GRM5: variants seen among roughly 807,000 people sequenced by gnomAD.
GRM5 encodes the protein metabotropic glutamate receptor 5.
Under a neutral mutation model 83.1 loss-of-function variants are expected in GRM5, and 19 were observed. The observed-to-expected ratio is 0.23, with a 90% CI of 0.16 to 0.34. The LOEUF (loss-of-function observed/expected upper bound fraction) is 0.34. Ranked by LOEUF, GRM5 falls within the 10% of genes least tolerant of loss-of-function variation. The pLI, the probability that GRM5 is intolerant of heterozygous loss-of-function variation, is 1.00. For missense variants in GRM5, 1,160 were observed against 1,588.3 expected, an observed-to-expected ratio of 0.73 and a Z score of 4.58; for synonymous variants, 675 against 633.6, an observed-to-expected ratio of 1.07 and a Z score of -0.98.
intron 2 of GRM5, among the ~76,000 whole-genome samples, chr11:88,993,149 C>G (rs1410125812): frequency 6.6e-6 from 1 of 151,412 alleles, no homozygotes; most frequent in African/African-American, 2.4e-5. Flanking sequence ...GCCTGTAGTC[C>G]TAGCTCCTCC....
At chr11:88,754,616 C>T (rs1196247943) in intron 3 of GRM5, among the ~76,000 whole-genome samples, 1 of 151,958 alleles carries the variant, frequency 6.6e-6, no homozygotes, top group Non-Finnish European at 1.5e-5. Flanking sequence ...CCAGATGTAT[C>T]CTTATCAATT....
intron 2 of GRM5, among the ~76,000 whole-genome samples, chr11:88,888,828 T>A (rs978655884): frequency 3.9e-5 from 6 of 152,176 alleles, no homozygotes; most frequent in African/African-American, 1.4e-4. Context: ...TACTTTAGGT[T>A]AGGATGCAGA....
At chr11:88,938,656 A>G (rs1937982374) in intron 2 of GRM5, among the ~76,000 whole-genome samples, 1 of 151,474 alleles carries the variant, frequency 6.6e-6, no homozygotes. Flanking sequence ...ATTCTCATTC[A>G]CTGGGTCCTC....
chr11:88,692,180 C>T (rs1191410811), intron 3 of GRM5, among the ~76,000 whole-genome samples: 1 of 152,162 alleles, frequency 6.6e-6, no homozygotes, highest in Non-Finnish European at 1.5e-5. Context: ...TTTATCCTTT[C>T]TTAGCTCCCT....
intron 8 of GRM5, among the ~76,000 whole-genome samples, chr11:88,528,155 C>G (rs1043013285): frequency 2.0e-5 from 3 of 152,012 alleles, no homozygotes; most frequent in Admixed American, 6.6e-5. Flanking sequence ...AAAGCTTTCA[C>G]TGACATATAA....
intron 2 of GRM5, among the ~76,000 whole-genome samples, chr11:88,927,472 G>A (rs1056822269): frequency 2.6e-4 from 39 of 152,088 alleles, no homozygotes; most frequent in Non-Finnish European, 5.1e-4. Flanking sequence ...AAAAAGAAGA[G>A]TACATGTTAA....
At chr11:88,639,514 T>C (rs1939231851) in intron 4 of GRM5, among the ~76,000 whole-genome samples, 1 of 152,152 alleles carries the variant, frequency 6.6e-6, no homozygotes, top group Non-Finnish European at 1.5e-5. Context: ...ATTCCATTTT[T>C]ATTACTTCAT....
intron 4 of GRM5, among the ~76,000 whole-genome samples, chr11:88,647,129 C>G (rs1463397970): frequency 6.6e-6 from 1 of 152,002 alleles, no homozygotes; most frequent in Admixed American, 6.6e-5. Context: ...TCCTTGTCTC[C>G]CTTTCTGTCT....
At chr11:88,974,352 C>G (rs1442762129) in intron 2 of GRM5, among the ~76,000 whole-genome samples, 1 of 150,204 alleles carries the variant, frequency 6.7e-6, no homozygotes, top group Non-Finnish European at 1.5e-5. Context: ...GGCTAACAAA[C>G]AGTGTTATCT....
chr11:88,818,203 G>A (rs76080566), intron 3 of GRM5, among the ~76,000 whole-genome samples: 74 of 152,176 alleles, frequency 4.9e-4, no homozygotes, highest in African/African-American at 1.7e-3. Flanking sequence ...TGCCTTGGAG[G>A]ACAGATGAAA....
At chr11:88,760,650 A>G (rs909148641) in intron 3 of GRM5, among the ~76,000 whole-genome samples, 3 of 152,154 alleles carry the variant, frequency 2.0e-5, no homozygotes, top group Admixed American at 6.6e-5. Context: ...AGCTGGTATC[A>G]TTTCTGCTGA....
chr11:88,540,087 G>T (rs1942231073), intron 8 of GRM5, among the ~76,000 whole-genome samples: 2 of 152,096 alleles, frequency 1.3e-5, no homozygotes, highest in Admixed American at 1.3e-4. Flanking sequence ...GAAATGCAAG[G>T]CAGTACTATT....
chr11:88,745,398 G>T (rs1486249015), intron 3 of GRM5, among the ~76,000 whole-genome samples: 1 of 151,504 alleles, frequency 6.6e-6, no homozygotes, highest in African/African-American at 2.4e-5. Context: ...TAGAGACAGG[G>T]TTTCACCATT....
chr11:88,521,132 T>C (rs1255899216), intron 9 of GRM5, among the ~76,000 whole-genome samples: 2 of 152,010 alleles, frequency 1.3e-5, no homozygotes, highest in African/African-American at 4.8e-5. Context: ...AGAAAGCAGA[T>C]TCCAGCCAGG....
At chr11:88,613,135 T>C (rs1283836426) in intron 4 of GRM5, among the ~76,000 whole-genome samples, 1 of 152,182 alleles carries the variant, frequency 6.6e-6, no homozygotes, top group Non-Finnish European at 1.5e-5. Context: ...CATCTTAGAA[T>C]TATGTGCCAT....
intron 1 of GRM5, among the ~76,000 whole-genome samples, chr11:89,053,152 C>T (rs1340144717): frequency 4.6e-5 from 7 of 152,008 alleles, no homozygotes; most frequent in African/African-American, 9.7e-5. Context: ...TATACATTAA[C>T]GAGCATTCCA....
At chr11:88,685,854 A>G (rs1236621076) in intron 3 of GRM5, among the ~76,000 whole-genome samples, 3 of 152,190 alleles carry the variant, frequency 2.0e-5, no homozygotes, top group African/African-American at 7.2e-5. Context: ...CAGAAGATGT[A>G]TAGAAATGCC....
At chr11:88,890,112 A>AACATCCCCACATCCCCACATCCCC (rs59391543) in intron 2 of GRM5, among the ~76,000 whole-genome samples, 2 of 150,320 alleles carry the variant, frequency 1.3e-5, no homozygotes, top group South Asian at 2.1e-4. Flanking sequence ...AAGATATGGA[A>AACATCCCCACATCCCCACATCCCC]ACATCCCCAC....
At chr11:88,813,917 A>G (rs1259773125) in intron 3 of GRM5, among the ~76,000 whole-genome samples, 3 of 152,104 alleles carry the variant, frequency 2.0e-5, no homozygotes, top group African/African-American at 7.2e-5. Flanking sequence ...AAAAATTTTT[A>G]CAATAATACT....
Sources: gnomAD v4.1 joint callset for allele counts (sites outside exome capture counted in the v4.1 genomes callset) on GRCh38, gnomAD v4.1.1 for gene constraint, MANE v1.5 for transcripts, NCBI Gene and HGNC (gene_info 2026-07-23, HGNC 2026-07-21) for gene names.